The following NPAS3 variants were observed in gnomAD, a reference collection of about 807,000 sequenced individuals.
NPAS3 encodes neuronal PAS domain protein 3.
A neutral mutation model predicts 73.1 loss-of-function variants in NPAS3; 14 were observed. The ratio of observed to expected loss-of-function variants is 0.19; its 90% confidence interval spans 0.13 to 0.30. The LOEUF (loss-of-function observed/expected upper bound fraction) is 0.30, where lower values mean the gene tolerates loss of function less well. Ranked by LOEUF, NPAS3 falls within the 10% of genes least tolerant of loss-of-function variation. The pLI is 1.00. For synonymous variants in NPAS3, 620 were observed against 541.5 expected (o/e 1.14, Z -2.01); for missense variants, 1,096 against 1,250.0 (o/e 0.88, Z 1.86).
chr14:33,597,532 G>C (rs969313758), intron 5 of NPAS3, among the ~76,000 whole-genome samples: 6 of 152,208 alleles, frequency 3.9e-5, no homozygotes, highest in Non-Finnish European at 1.5e-5. Context: ...AGAAAAGTCA[G>C]TTGATTTAGA....
chr14:33,803,084 T>G (rs1259926989), downstream of NPAS3: 1 of 152,230 alleles, frequency 6.6e-6, no homozygotes, highest in African/African-American at 2.4e-5. Flanking sequence ...ATTAAATAAA[T>G]TGATGCCATA....
chr14:33,433,009 T>C (rs1733093741), intron 4 of NPAS3, among the ~76,000 whole-genome samples: 1 of 152,228 alleles, frequency 6.6e-6, no homozygotes, highest in African/African-American at 2.4e-5. Context: ...AATATAGAAA[T>C]CTTTGCTTTT....
intron 3 of NPAS3, among the ~76,000 whole-genome samples, chr14:33,263,236 A>G (rs2049039646): frequency 1.3e-5 from 2 of 152,028 alleles, no homozygotes; most frequent in African/African-American, 4.8e-5. Flanking sequence ...TTTCTTCTAG[A>G]GTTTTTATGG....
intron 2 of NPAS3, among the ~76,000 whole-genome samples, chr14:33,126,483 G>A (rs2043430294): frequency 6.6e-6 from 1 of 152,152 alleles, no homozygotes; most frequent in African/African-American, 2.4e-5. Context: ...AGCTGTGTGT[G>A]CAGGGCTGGG....
At chr14:33,197,447 C>A (rs1258997236) in intron 2 of NPAS3, among the ~76,000 whole-genome samples, 1 of 151,958 alleles carries the variant, frequency 6.6e-6, no homozygotes, top group Non-Finnish European at 1.5e-5. Flanking sequence ...GACATCATGG[C>A]AGTCCCCTTC....
intron 3 of NPAS3, among the ~76,000 whole-genome samples, chr14:33,322,477 G>C (rs909337495): frequency 2.2e-4 from 33 of 150,266 alleles, no homozygotes; most frequent in African/African-American, 8.0e-4. Flanking sequence ...TGTCCTCTGT[G>C]TATATATGTG....
rs1428685442 is a variant in NPAS3, at chr14:33,686,501, T to G, written c.733+10116T>G. ...AAGAATTCCTGAATCCATTAGGCAA[T>G]GCAATTGCCATTACTCATTGACTAC... On this transcript the variant is annotated intron_variant, in intron 6 of 11. Transcript: ENST00000356141. 2.0e-5 allele frequency among the ~76,000 whole-genome samples: 3 copies of G among 152,312 alleles called. No homozygotes were observed. In the East Asian group the frequency reaches 5.8e-4, roughly 29 times the overall value.
At chr14:33,577,707 A>G (rs1251376559) in intron 5 of NPAS3, among the ~76,000 whole-genome samples, 1 of 152,230 alleles carries the variant, frequency 6.6e-6, no homozygotes, top group African/African-American at 2.4e-5. Context: ...CTGATATGAT[A>G]TTCTGTCTTC....
Position 33,730,129 on chromosome 14 carries a change from G to A in NPAS3, c.734-5085G>A, listed in dbSNP as rs2061364862. On this transcript the variant is annotated intron_variant, in intron 6 of 11. Transcript: ENST00000356141. ...AGATATCTGGATACCTGTATAAAAG[G>A]AGCCACACTAAGTGCTATACAGCAT... Among the ~76,000 whole-genome samples, 8 of 152,154 alleles carry A rather than the reference G, an allele frequency of 5.3e-5. 1 individual carries two copies. In the South Asian group the frequency reaches 1.7e-3, roughly 32 times the overall value.
upstream of NPAS3, among the ~76,000 whole-genome samples, chr14:32,936,238 A>G (rs1054000972): frequency 7.2e-5 from 11 of 152,122 alleles, no homozygotes; most frequent in African/African-American, 2.7e-4. Flanking sequence ...GTGTTTTCCA[A>G]GTTGATGTCC....
At chr14:33,689,550 C>A (rs1438507265) in intron 6 of NPAS3, among the ~76,000 whole-genome samples, 1 of 152,044 alleles carries the variant, frequency 6.6e-6, no homozygotes, top group African/African-American at 2.4e-5. Context: ...CTTAAAGGGT[C>A]CAAATGCTAC....
intron 2 of NPAS3, among the ~76,000 whole-genome samples, chr14:33,204,883 G>A (rs2046766264): frequency 1.3e-5 from 2 of 152,070 alleles, no homozygotes; most frequent in Non-Finnish European, 2.9e-5. Flanking sequence ...ATTGCAAAAA[G>A]TAGGGAAAGG....
chr14:33,627,164 TC>T (rs1288735863), intron 5 of NPAS3, among the ~76,000 whole-genome samples: 1 of 152,112 alleles, frequency 6.6e-6, no homozygotes, highest in Non-Finnish European at 1.5e-5. Context: ...TTCAATAAGA[TC>T]CATGGGAATC....
chr14:33,342,026 C>T lies in NPAS3; in HGVS notation c.386-25160C>T, dbSNP rs955872252. ...CCTGGGAGACAAGATTTTCCTATTT[C>T]CTCTCTTCCTTGGTCTAATCCCCAA... On this transcript the variant is annotated intron_variant, in intron 3 of 11. Transcript: ENST00000356141. 2.6e-5 allele frequency among the ~76,000 whole-genome samples: 4 copies of T among 152,120 alleles called. No homozygotes were observed. The East Asian group carries it at 7.7e-4, about 29-fold the overall frequency.
intron 2 of NPAS3, among the ~76,000 whole-genome samples, chr14:33,062,676 G>A (rs762237830): frequency 2.0e-5 from 3 of 152,240 alleles, no homozygotes; most frequent in Non-Finnish European, 4.4e-5. Flanking sequence ...GAGAACGAAA[G>A]TAAAGGTCAA....
chr14:32,946,430 T>C (rs2036264517), intron 1 of NPAS3, among the ~76,000 whole-genome samples: 2 of 151,982 alleles, frequency 1.3e-5, no homozygotes, highest in South Asian at 4.2e-4. Context: ...GTAACTTTTT[T>C]TCCTCTATGC....
intron 1 of NPAS3, among the ~76,000 whole-genome samples, chr14:33,029,962 C>T (rs2039933645): frequency 1.3e-5 from 2 of 152,136 alleles, no homozygotes; most frequent in Admixed American, 1.3e-4. Flanking sequence ...ATCAGACTTC[C>T]CCAATTAAAC....
chr14:33,408,867 A>G lies in NPAS3; in HGVS notation c.468+41599A>G, dbSNP rs570731416. On this transcript the variant is annotated intron_variant, in intron 4 of 11. Transcript: ENST00000356141. ...TCATAGCATGGCAAAAGTTCTTGAG[A>G]TTTCTGTGAGTCCTCCAGAGGAAAG... Among the ~76,000 whole-genome samples, 5 of 152,276 alleles carry G rather than the reference A, an allele frequency of 3.3e-5. No homozygotes were observed. In the South Asian group the frequency reaches 8.3e-4, roughly 25 times the overall value.
Position 33,316,283 on chromosome 14 carries a change from G to T in NPAS3, c.386-50903G>T, listed in dbSNP as rs574376382. On this transcript the variant is annotated intron_variant, in intron 3 of 11. Coordinates refer to ENST00000356141, the Ensembl canonical transcript of NPAS3. ...TCAACAGATTTTTTTAAAATCACGCGTGGGCTTCTGTATTGAATTCTCTGC... is the reference window on the plus strand; with the variant it reads ...TCAACAGATTTTTTTAAAATCACGCTTGGGCTTCTGTATTGAATTCTCTGC... 1.3e-3 allele frequency among the ~76,000 whole-genome samples: 192 copies of T among 152,128 alleles called. 1 individual carries two copies. Among genetic ancestry groups the T allele is most frequent in the African/African-American group, 4.3e-3 (178 of 41,524 alleles).
Sources: allele counts gnomAD v4.1 joint callset (sites outside exome capture counted in the v4.1 genomes callset), GRCh38; gene constraint gnomAD v4.1.1; transcripts MANE v1.5; gene names NCBI Gene and HGNC (gene_info 2026-07-23, HGNC 2026-07-21).